GOLGB1: variants seen among roughly 807,000 people sequenced by gnomAD.
GOLGB1 encodes the protein golgin subfamily B member 1.
In GOLGB1, 174 loss-of-function variants were observed where a neutral mutation model predicts 336.9. The observed-to-expected ratio is 0.52, with a 90% CI of 0.46 to 0.59. The LOEUF is 0.59. Ranked by LOEUF, GOLGB1 falls within the 20% of genes least tolerant of loss-of-function variation. The probability of loss-of-function intolerance (pLI) is 0.00; values close to 1 mark genes in which losing one functional copy is unlikely to be tolerated. For missense variants in GOLGB1, 3,331 were observed against 3,645.3 expected (o/e 0.91, Z 2.22); for synonymous variants, 1,208 against 1,289.2 (o/e 0.94, Z 1.35).
At chr3:121,692,612 A>G (rs759473585) in intron 13 of GOLGB1, 31 bp from the exon 14 acceptor site, 5 of 1,322,452 alleles carry the variant, frequency 3.8e-6, no homozygotes, top group Non-Finnish European at 5.2e-6. Context: ...TTAGTTACAG[A>G]TTTCAAGAAA....
At chr3:121,698,992 C>T in intron 12 of GOLGB1, 63 bp from the exon 13 acceptor site, 1 of 1,237,362 alleles carries the variant, frequency 8.1e-7, no homozygotes, top group Non-Finnish European at 1.1e-6. Context: ...AAAAATAGCC[C>T]AACTAAAAAC....
In GOLGB1 at chr3:121,702,577, T is replaced by C; in HGVS notation, c.1423A>G (p.Ile475Val). 6.7e-7 allele frequency: 1 copy of C among 1,502,000 alleles called. No individual in the cohort carries two copies. The highest frequency in any genetic ancestry group is 8.9e-7 in the Non-Finnish European group (1 of 1,119,492). The allele number at this position is 1,502,000 out of a possible 1,614,324, so 93.0% of individuals were successfully genotyped here. A position where few individuals can be genotyped will look rare whatever the true frequency, so the allele number is the denominator to read the frequency against. Reference protein sequence around the residue: ...EGTQAVTEENIASLQKRVVEL... With the variant: ...EGTQAVTEENVASLQKRVVEL... ...ACCACTCTCTTCTGCAAAGAAGCAA[T>C]ATTCTCCTCAGTGACTGCCTAAATT... Residue 475 changes from isoleucine to valine, a missense_variant, in exon 11 of 22, where the codon ATT becomes GTT. Physicochemically the swap from Ile to Val is conservative, Grantham distance 29. Transcript: ENST00000614479.
At chr3:121,690,629 A>C (rs2107772625) in intron 14 of GOLGB1, 41 bp downstream of exon 14, 1 of 1,058,242 alleles carries the variant, frequency 9.4e-7, no homozygotes, top group East Asian at 2.5e-5. Flanking sequence ...AAAGGTTCAA[A>C]AACTCTTAAA....
chr3:121,718,287 TTC>T, intron 8 of GOLGB1, 99 bp downstream of exon 8: 2 of 690,176 alleles, frequency 2.9e-6, no homozygotes, highest in Non-Finnish European at 5.1e-6. Flanking sequence ...ATGGCATCAA[TTC>T]TCTGAAGACT....
At position 121,692,455 on chromosome 3, in the gene GOLGB1, G is replaced by C; in HGVS notation, c.6909C>G (p.His2303Gln). 6.2e-7 allele frequency: 1 copy of C among 1,613,910 alleles called. No homozygotes were observed. The highest frequency in any genetic ancestry group is 8.5e-7 in the Non-Finnish European group (1 of 1,179,884). The change falls in exon 14 of 22, where the codon CAC becomes CAG. Residue 2303 changes from histidine to glutamine, a missense_variant. By Grantham distance (24) the His-to-Gln change is conservative (BLOSUM62 0). Transcript: ENST00000614479. ...ATTCATTCTGAGAACTGTGGTATAG[G>C]TGGCGTGTCTCTTCTAGCTGGGACA... ...ELLSQLEETR[H>Q]LYHSSQNELA...
At chr3:121,672,540 A>G (rs934976249) in intron 17 of GOLGB1, among the ~76,000 whole-genome samples, 3 of 152,238 alleles carry the variant, frequency 2.0e-5, no homozygotes, top group Admixed American at 6.5e-5. Flanking sequence ...ATCCCTTGTT[A>G]GATGGGTAGT....
intron 1 of GOLGB1, chr3:121,749,275 C>T (rs1235350822): frequency 6.6e-6 from 1 of 152,406 alleles, no homozygotes; most frequent in Non-Finnish European, 1.5e-5. Flanking sequence ...CGGAGGCCGA[C>T]TTAGGCAGGC....
In GOLGB1 at chr3:121,690,837, T is replaced by C; in HGVS notation, c.8527A>G (p.Met2843Val). ...TCTCTCTCATTCTGCAGACTGGCCA[T>C]AGCCTTGGAAAAGGACTGCACTTGG... ...YNQVQSFSKA[M>V]ASLQNERDHL... Residue 2843 changes from methionine (M) to valine (V), a missense_variant, in exon 14 of 22, where the codon ATG (methionine) becomes GTG (valine). Coordinates refer to ENST00000614479, the MANE Select transcript of GOLGB1 (RefSeq NM_001366282.2). 6.2e-7 allele frequency: 1 copy of C among 1,608,848 alleles called. No individual in the cohort carries two copies. The highest frequency in any genetic ancestry group is 1.1e-5 in the South Asian group (1 of 90,724).
Position 121,694,317 on chromosome 3 carries a change from G to A in GOLGB1, c.6206C>T (p.Ala2069Val). The part of the protein sequence containing the change: ...KDLEITKENL[A>V]QAVEHRKKAQ... ...CTTTTTGCGGTGTTCAACTGCTTGA[G>A]CCAGATTTTCTTTGGTTATTTCCAA... is the stretch of plus-strand genomic sequence containing the variant. The change falls in exon 13 of 22, where the codon GCT (alanine) becomes GTT (valine). Residue 2069 changes from alanine to valine, a missense_variant. By Grantham distance (64) the Ala-to-Val change is moderately conservative (BLOSUM62 0). Transcript: ENST00000614479. The A allele has an allele frequency of 6.2e-7, 1 of 1,610,914 alleles. No homozygotes were observed. The highest frequency in any genetic ancestry group is 2.2e-5 in the East Asian group (1 of 44,864).
At position 121,715,715 on chromosome 3, in the gene GOLGB1, G is replaced by C. The variant is rs1164765986; in HGVS notation, c.1289-739C>G. 7.9e-5 allele frequency among the ~76,000 whole-genome samples: 12 copies of C among 151,976 alleles called. No individual in the cohort carries two copies. In the East Asian group the frequency reaches 2.3e-3, roughly 30 times the overall value. On this transcript the variant is annotated intron_variant, in intron 9 of 21. Transcript: ENST00000614479. ...GATGCCCTTCAAAACTGTCTGGCTAGGGCACAATGGCTCACGCCTGTAATC... is the reference window on the plus strand; with the variant it reads ...GATGCCCTTCAAAACTGTCTGGCTACGGCACAATGGCTCACGCCTGTAATC...
intron 3 of GOLGB1, among the ~76,000 whole-genome samples, 164 bp from the exon 4 acceptor site, chr3:121,729,504 C>T (rs1368061524): frequency 6.6e-6 from 1 of 152,118 alleles, no homozygotes; most frequent in Non-Finnish European, 1.5e-5. Flanking sequence ...GCCTCTAACT[C>T]CCAGGCTCAA....
intron 14 of GOLGB1, among the ~76,000 whole-genome samples, chr3:121,688,713 C>T (rs1465542115): frequency 2.0e-5 from 3 of 151,810 alleles, no homozygotes; most frequent in Non-Finnish European, 4.4e-5. Context: ...GCGTCTCTGC[C>T]CGGCCGCCAT....
chr3:121,701,332 G>T (rs1226240170), intron 11 of GOLGB1, among the ~76,000 whole-genome samples: 1 of 152,112 alleles, frequency 6.6e-6, no homozygotes, highest in African/African-American at 2.4e-5. Flanking sequence ...TCAAAGAAGT[G>T]CTCTGAATGG....
intron 10 of GOLGB1, among the ~76,000 whole-genome samples, chr3:121,707,494 A>G (rs561298062): frequency 1.3e-5 from 2 of 151,798 alleles, no homozygotes; most frequent in African/African-American, 4.8e-5. Context: ...TTAGCTGGGT[A>G]GCATGGTGCA....
At chr3:121,733,029 A>C (rs988225617) in intron 1 of GOLGB1, among the ~76,000 whole-genome samples, 2 of 152,228 alleles carry the variant, frequency 1.3e-5, no homozygotes, top group Non-Finnish European at 2.9e-5. Flanking sequence ...TCACTATATA[A>C]AAGTCAACTG....
At chr3:121,725,432 C>G (rs1444100912) in intron 5 of GOLGB1, among the ~76,000 whole-genome samples, 1 of 152,194 alleles carries the variant, frequency 6.6e-6, no homozygotes, top group Non-Finnish European at 1.5e-5. Flanking sequence ...GTCTGTTACT[C>G]TCTTTCTTCT....
At chr3:121,703,128 T>C (rs1473089757) in intron 10 of GOLGB1, among the ~76,000 whole-genome samples, 3 of 152,234 alleles carry the variant, frequency 2.0e-5, no homozygotes, top group Admixed American at 2.0e-4. Flanking sequence ...TTCCTAAGGA[T>C]AGGCATATAT....
At chr3:121,729,430 C>A in intron 3 of GOLGB1, 90 bp from the exon 4 acceptor site, 1 of 1,051,092 alleles carries the variant, frequency 9.5e-7, no homozygotes, top group Non-Finnish European at 1.4e-6. Context: ...TTATTACTTT[C>A]AGAGACAGGG....
Position 121,719,694 on chromosome 3 carries a change from C to T in GOLGB1, c.723G>A (p.Glu241=), listed in dbSNP as rs565956502. The part of the protein sequence containing the change: ...FETQVRLHED[E]LLQLVTQADV... ...CTGCCTGGGTTACTAACTGAAGAAG[C>T]TCATCTTCATGAAGACGAACTTGTG... The change falls in exon 7 of 22, where the codon GAG becomes GAA. Residue 241 remains glutamate (E), a synonymous_variant. Coordinates refer to ENST00000614479, the MANE Select transcript of GOLGB1 (RefSeq NM_001366282.2). 16 of 1,608,816 alleles carry T rather than the reference C, an allele frequency of 9.9e-6. No individual in the cohort carries two copies. The East Asian group carries it at 3.4e-4, about 34-fold the overall frequency.
Sources: allele counts gnomAD v4.1 joint callset (sites outside exome capture counted in the v4.1 genomes callset), GRCh38; gene constraint gnomAD v4.1.1; transcripts MANE v1.5; gene names NCBI Gene and HGNC (gene_info 2026-07-23, HGNC 2026-07-21).